The following AGBL4 variants were observed in gnomAD, a reference collection of about 807,000 sequenced individuals.
The protein encoded by AGBL4 is AGBL carboxypeptidase 4.
AGBL4 carries 58 observed loss-of-function variants against 66.4 expected under a neutral mutation model. The observed-to-expected ratio is 0.87, with a 90% CI of 0.71 to 1.09. AGBL4 has a LOEUF of 1.09. AGBL4 is among the 50% of genes least tolerant of loss of function. AGBL4 has a pLI of 0.00. For synonymous variants in AGBL4, 234 were observed against 222.9 expected, an observed-to-expected ratio of 1.05 and a Z score of -0.44; for missense variants, 579 against 631.0, an observed-to-expected ratio of 0.92 and a Z score of 0.88.
At chr1:49,877,543 C>T (rs1647055556) in intron 1 of AGBL4, among the ~76,000 whole-genome samples, 1 of 151,594 alleles carries the variant, frequency 6.6e-6, no homozygotes, top group African/African-American at 2.4e-5. Flanking sequence ...TTTTGATGGG[C>T]TGCTGGATTC....
At chr1:48,928,703 T>C (rs1438076317) in intron 5 of AGBL4, among the ~76,000 whole-genome samples, 4 of 152,154 alleles carry the variant, frequency 2.6e-5, no homozygotes, top group African/African-American at 7.2e-5. Flanking sequence ...GTCTCACTTA[T>C]AGACATATAG....
At chr1:48,851,310 A>G (rs1161545656) in intron 6 of AGBL4, among the ~76,000 whole-genome samples, 2 of 152,208 alleles carry the variant, frequency 1.3e-5, no homozygotes, top group African/African-American at 4.8e-5. Context: ...GGAAAGGATG[A>G]TCCAAGAGAT....
At chr1:49,823,728 C>A (rs1188225743) in intron 2 of AGBL4, among the ~76,000 whole-genome samples, 1 of 151,116 alleles carries the variant, frequency 6.6e-6, no homozygotes, top group Non-Finnish European at 1.5e-5. Context: ...AAGTCATGTT[C>A]ACTTCTGCAA....
chr1:48,780,002 C>T (rs1645252811), intron 6 of AGBL4, among the ~76,000 whole-genome samples: 1 of 152,004 alleles, frequency 6.6e-6, no homozygotes, highest in African/African-American at 2.4e-5. Flanking sequence ...ATGTGAGCCA[C>T]CGCGCCCGGC....
intron 5 of AGBL4, among the ~76,000 whole-genome samples, chr1:49,011,099 C>G (rs1258753702): frequency 6.6e-6 from 1 of 150,632 alleles, no homozygotes; most frequent in African/African-American, 2.4e-5. Flanking sequence ...AGGCAACCTA[C>G]AAAATGGGAG....
At chr1:48,830,368 A>G (rs998364753) in intron 6 of AGBL4, among the ~76,000 whole-genome samples, 4 of 152,220 alleles carry the variant, frequency 2.6e-5, no homozygotes, top group East Asian at 3.8e-4. Flanking sequence ...CAGAGGGGTC[A>G]TACAAATTGC....
intron 3 of AGBL4, among the ~76,000 whole-genome samples, chr1:49,477,011 G>C (rs187697907): frequency 3.3e-5 from 5 of 152,184 alleles, no homozygotes; most frequent in Admixed American, 3.3e-4. Context: ...ACAATGGGAA[G>C]GACTGCATCT....
intron 6 of AGBL4, among the ~76,000 whole-genome samples, chr1:48,670,271 T>G (rs1258729995): frequency 6.6e-6 from 1 of 152,160 alleles, no homozygotes; most frequent in East Asian, 1.9e-4. Context: ...CTGCACAGCC[T>G]GTGAGATCAC....
chr1:48,635,804 C>T (rs1013734354), intron 8 of AGBL4, among the ~76,000 whole-genome samples: 3 of 152,210 alleles, frequency 2.0e-5, no homozygotes, highest in Admixed American at 6.5e-5. Context: ...AGATACCAAC[C>T]ATTCTCTGTG....
chr1:49,950,583 AAAAT>A (rs1258293503), intron 1 of AGBL4, among the ~76,000 whole-genome samples: 1 of 151,812 alleles, frequency 6.6e-6, no homozygotes, highest in Non-Finnish European at 1.5e-5. Flanking sequence ...TAAAATTTTA[AAAAT>A]AAATAAATTT....
intron 6 of AGBL4, among the ~76,000 whole-genome samples, chr1:48,716,223 G>A (rs1318856728): frequency 6.6e-6 from 1 of 152,138 alleles, no homozygotes; most frequent in African/African-American, 2.4e-5. Flanking sequence ...ATTACGAGGA[G>A]GGAAACGCAT....
intron 2 of AGBL4, among the ~76,000 whole-genome samples, chr1:49,818,306 T>C (rs1169758220): frequency 6.6e-6 from 1 of 152,108 alleles, no homozygotes; most frequent in African/African-American, 2.4e-5. Context: ...ATCTTTGTTG[T>C]TGAATTTCAT....
chr1:49,284,409 T>C (rs1363126293), intron 3 of AGBL4, among the ~76,000 whole-genome samples: 1 of 152,080 alleles, frequency 6.6e-6, no homozygotes, highest in Admixed American at 6.5e-5. Context: ...TACCAGCCAC[T>C]GCAAAATCAT....
At chr1:49,154,159 T>C (rs911251207) in intron 4 of AGBL4, among the ~76,000 whole-genome samples, 1 of 151,992 alleles carries the variant, frequency 6.6e-6, no homozygotes, top group Non-Finnish European at 1.5e-5. Flanking sequence ...GCAAGAACAA[T>C]TAACGTTGTC....
At chr1:48,807,455 G>C (rs768685894) in intron 6 of AGBL4, among the ~76,000 whole-genome samples, 2 of 152,180 alleles carry the variant, frequency 1.3e-5, no homozygotes, top group Non-Finnish European at 2.9e-5. Flanking sequence ...GGGAGATGGG[G>C]ACATTTGTAG....
At chr1:49,040,757 CA>C (rs1422162340) in intron 5 of AGBL4, among the ~76,000 whole-genome samples, 1 of 152,028 alleles carries the variant, frequency 6.6e-6, no homozygotes, top group Non-Finnish European at 1.5e-5. Flanking sequence ...AGCAGATCGG[CA>C]GTTACCTGCG....
rs202108114 is a variant in AGBL4 at position 48,759,190 on chromosome 1, T to C, written c.635-95949A>G. On this transcript the variant is annotated intron_variant, in intron 6 of 13. Transcript: ENST00000371839. The stretch of plus-strand genomic sequence containing the variant: ...GAAGACCTCTTCCGGACACGTGCTA[T>C]GGCCCAGGCTCAGGCCGTTCTGCTT... 7.4e-5 allele frequency: 119 copies of C among 1,613,400 alleles called. No homozygotes were observed. The highest frequency in any genetic ancestry group is 6.2e-5 in the Non-Finnish European group (73 of 1,179,710).
At chr1:49,748,128 A>C (rs180751405) in intron 2 of AGBL4, among the ~76,000 whole-genome samples, 1 of 152,260 alleles carries the variant, frequency 6.6e-6, no homozygotes, top group East Asian at 1.9e-4. Flanking sequence ...CGTCATCTAC[A>C]TTAGGTATTT....
At chr1:49,319,081 A>T (rs1203462275) in intron 3 of AGBL4, among the ~76,000 whole-genome samples, 2 of 152,196 alleles carry the variant, frequency 1.3e-5, no homozygotes, top group African/African-American at 4.8e-5. Context: ...TAAAGTTTTT[A>T]TTTATGAAAT....
Sources: gnomAD v4.1 joint callset for allele counts (sites outside exome capture counted in the v4.1 genomes callset) on GRCh38, gnomAD v4.1.1 for gene constraint, MANE v1.5 for transcripts, NCBI Gene and HGNC (gene_info 2026-07-23, HGNC 2026-07-21) for gene names.